Variants in CASP9 observed in about 807,000 individuals in gnomAD.
CASP9 encodes caspase-9.
Under a neutral mutation model 43.5 loss-of-function variants are expected in CASP9, and 29 were observed. The ratio of observed to expected loss-of-function variants is 0.67; its 90% CI spans 0.50 to 0.91. The LOEUF (loss-of-function observed/expected upper bound fraction) is 0.91. CASP9 is among the 40% of genes least tolerant of loss of function. The probability of loss-of-function intolerance (pLI) is 0.00; values close to 1 mark genes in which losing one functional copy is unlikely to be tolerated. For missense variants in CASP9, 575 were observed against 537.4 expected, an observed-to-expected ratio of 1.07 and a Z score of -0.69; for synonymous variants, 206 against 211.9, an observed-to-expected ratio of 0.97 and a Z score of 0.24.
In CASP9 at chr1:15,507,037, G is replaced by C; in HGVS notation, c.492C>G (p.Leu164=). The change falls in exon 4 of 9, where the codon CTC becomes CTG. Residue 164 remains leucine (L), a synonymous_variant. Transcript: ENST00000333868. ...GGCAGAAGTTCACATTGTTGATAAT[G>C]AGGCAGTGGCCACAGGGCTCCATGC... ...ILSMEPCGHC[L]IINNVNFCRE... The C allele has an allele frequency of 6.2e-7, 1 of 1,614,198 alleles. No homozygotes were observed. Among genetic ancestry groups the C allele is most frequent in the Non-Finnish European group, 8.5e-7 (1 of 1,180,024 alleles).
rs377236397 is a variant in CASP9 at position 15,495,226 on chromosome 1, C to T, written c.1048+47G>A. 72 of 1,558,520 alleles carry T rather than the reference C, an allele frequency of 4.6e-5. 1 individual carries two copies. The African/African-American group carries it at 8.2e-4, about 18-fold the overall frequency. On this transcript the variant is annotated intron_variant, in intron 7 of 8. Coordinates refer to ENST00000333868, the MANE Select transcript of CASP9 (RefSeq NM_001229.5). ...ACCACACAGCTGCCTCTAGGGCAGA[C>T]GGGAAGACCCACTGGCTGCGAGGAC... is the stretch of plus-strand genomic sequence containing the variant.
intron 5 of CASP9, 96 bp from the exon 6 acceptor site, chr1:15,504,854 G>A (rs1709459203): frequency 7.9e-7 from 1 of 1,269,590 alleles, no homozygotes; most frequent in East Asian, 2.3e-5. Flanking sequence ...GATTTGGAAG[G>A]TCAAAGCCAG....
chr1:15,511,182 T>A (rs1249883787), intron 2 of CASP9, among the ~76,000 whole-genome samples: 1 of 152,182 alleles, frequency 6.6e-6, no homozygotes, highest in Non-Finnish European at 1.5e-5. Context: ...ATATGAGGGT[T>A]TAAGGAATTT....
At chr1:15,493,780 C>T in intron 8 of CASP9, 112 bp downstream of exon 8, 1 of 1,536,226 alleles carries the variant, frequency 6.5e-7, no homozygotes, top group East Asian at 2.4e-5. Context: ...GAGTCTACTA[C>T]CTTTTACCCT....
intron 6 of CASP9, among the ~76,000 whole-genome samples, chr1:15,498,961 TCTC>T (rs1342713242): frequency 6.6e-6 from 1 of 152,052 alleles, no homozygotes; most frequent in African/African-American, 2.4e-5. Context: ...ATGGTCTTGA[TCTC>T]CTGACCTCGT....
intron 1 of CASP9, among the ~76,000 whole-genome samples, chr1:15,518,998 C>T (rs900480057): frequency 2.0e-5 from 3 of 152,004 alleles, no homozygotes; most frequent in South Asian, 2.1e-4. Context: ...CCTCAGCCTC[C>T]GGAGTAGTTG....
rs1324886487 is a variant in CASP9 at position 15,506,957 on chromosome 1, C to T, written c.572G>A (p.Arg191Gln). ...GAAATGCAGCGAGGAGAAGCGACGC[C>T]GCAACTTCTCACAGTCGATGTTGGA... ...TGSNIDCEKL[R>Q]RRFSSLHFMV... The change falls in exon 4 of 9, where the codon CGG becomes CAG. Residue 191 changes from arginine to glutamine, a missense_variant. Physicochemically the swap from Arg to Gln is conservative, Grantham distance 43. Coordinates refer to ENST00000333868, the MANE Select transcript of CASP9 (RefSeq NM_001229.5). 10 of 1,614,046 alleles carry T rather than the reference C, an allele frequency of 6.2e-6. No homozygotes were observed. Among genetic ancestry groups the T allele is most frequent in the South Asian group, 2.2e-5 (2 of 91,086 alleles).
intron 6 of CASP9, among the ~76,000 whole-genome samples, chr1:15,502,899 G>A (rs1313469803): frequency 6.6e-6 from 1 of 152,172 alleles, no homozygotes; most frequent in East Asian, 1.9e-4. Context: ...GCAGAGCAGG[G>A]TTTCTACAGC....
In CASP9 at chr1:15,518,140, C is replaced by A; in HGVS notation, c.388G>T (p.Asp130Tyr). 1 of 1,614,228 alleles carries A rather than the reference C, an allele frequency of 6.2e-7. No homozygotes were observed. The highest frequency in any genetic ancestry group is 1.1e-5 in the South Asian group (1 of 91,086). The change falls in exon 2 of 9, where the codon GAC (aspartate) becomes TAC (tyrosine). Residue 130 changes from aspartate to tyrosine, a missense_variant. Transcript: ENST00000333868. The part of the protein sequence containing the change: ...VLRPETPRPV[D>Y]IGSGGFGDVG... ...TCACCAAATCCTCCAGAACCAATGT[C>A]CACTGGTCTGGGTGTTTCCGGTCTG... is the stretch of plus-strand genomic sequence containing the variant.
chr1:15,503,218 C>T (rs1709393723), intron 6 of CASP9, among the ~76,000 whole-genome samples: 1 of 151,902 alleles, frequency 6.6e-6, no homozygotes, highest in Non-Finnish European at 1.5e-5. Context: ...AAAACCCTGT[C>T]TCTACAAAAA....
chr1:15,523,252 T>TCCCC (rs1193596455), intron 1 of CASP9, among the ~76,000 whole-genome samples: 2 of 152,228 alleles, frequency 1.3e-5, no homozygotes, highest in East Asian at 3.8e-4. Context: ...GGTACGCTGA[T>TCCCC]CCCCCGCTCT....
intron 2 of CASP9, among the ~76,000 whole-genome samples, chr1:15,516,002 G>T (rs1253897973): frequency 6.6e-6 from 1 of 152,164 alleles, no homozygotes; most frequent in East Asian, 1.9e-4. Context: ...AGGAGTTCAA[G>T]ATCAGCCTAG....
In CASP9 at chr1:15,493,927, C is replaced by A. The variant is rs1407730832; in HGVS notation, c.1123G>T (p.Ala375Ser). ...AGGGACTGCAGGTCTTCAGAGTGAG[C>A]CCACTGCTCAAAGATGTCGTCCAGG... ...ETLDDIFEQW[A>S]HSEDLQSLLL... Residue 375 changes from alanine to serine, a missense_variant, in exon 8 of 9, where the codon GCT becomes TCT. Coordinates refer to ENST00000333868, the MANE Select transcript of CASP9 (RefSeq NM_001229.5). 6.2e-7 allele frequency: 1 copy of A among 1,603,166 alleles called. No homozygotes were observed. The highest frequency in any genetic ancestry group is 8.5e-7 in the Non-Finnish European group (1 of 1,174,314).
chr1:15,497,993 T>C (rs982849734), intron 6 of CASP9, among the ~76,000 whole-genome samples: 1 of 152,214 alleles, frequency 6.6e-6, no homozygotes, highest in African/African-American at 2.4e-5. Context: ...CACCCTCACA[T>C]GCGTGGTCAA....
chr1:15,505,702 G>A (rs189572993), intron 5 of CASP9, among the ~76,000 whole-genome samples: 1 of 152,180 alleles, frequency 6.6e-6, no homozygotes, highest in African/African-American at 2.4e-5. Flanking sequence ...TGCTGTACCC[G>A]CCTCTGAACA....
At chr1:15,503,840 G>A (rs1307975661) in intron 6 of CASP9, among the ~76,000 whole-genome samples, 1 of 152,112 alleles carries the variant, frequency 6.6e-6, no homozygotes, top group Non-Finnish European at 1.5e-5. Flanking sequence ...GGGACTCCCT[G>A]GGACAGAATT....
intron 6 of CASP9, among the ~76,000 whole-genome samples, chr1:15,503,402 C>T (rs1028801009): frequency 2.0e-5 from 3 of 152,186 alleles, no homozygotes; most frequent in African/African-American, 7.2e-5. Flanking sequence ...GTCAGTAGCC[C>T]ATCCAGGGTT....
intron 2 of CASP9, among the ~76,000 whole-genome samples, chr1:15,511,159 G>A (rs976707962): frequency 6.6e-6 from 1 of 152,232 alleles, no homozygotes; most frequent in African/African-American, 2.4e-5. Context: ...GAAGAGGTCA[G>A]GGTAAGGAGT....
intron 4 of CASP9, 126 bp from the exon 5 acceptor site, chr1:15,506,205 T>C (rs755847419): frequency 1.7e-5 from 11 of 655,008 alleles, no homozygotes; most frequent in Non-Finnish European, 3.0e-5. Context: ...TCCCAGCACT[T>C]TGGGAGGCCA....
Sources: gnomAD v4.1 joint callset for allele counts (sites outside exome capture counted in the v4.1 genomes callset) on GRCh38, gnomAD v4.1.1 for gene constraint, MANE v1.5 for transcripts, NCBI Gene and HGNC (gene_info 2026-07-23, HGNC 2026-07-21) for gene names.